The following FRMD4A variants were observed in gnomAD, a reference collection of about 807,000 sequenced individuals.
FRMD4A encodes the protein FERM domain containing 4A.
Under a neutral mutation model 129.1 loss-of-function variants are expected in FRMD4A, and 29 were observed. That is an observed-to-expected ratio of 0.22 (90% CI 0.17 to 0.31). FRMD4A has a LOEUF of 0.31. Among genes scored for constraint, FRMD4A ranks in the 10% least tolerant of loss-of-function variants. The pLI is 1.00. For synonymous variants in FRMD4A, 634 were observed against 571.6 expected (o/e 1.11, Z -1.56); for missense variants, 1,272 against 1,375.8 (o/e 0.92, Z 1.19).
At chr10:13,766,043 T>C (rs1266137136) in intron 6 of FRMD4A, among the ~76,000 whole-genome samples, 1 of 152,238 alleles carries the variant, frequency 6.6e-6, no homozygotes, top group African/African-American at 2.4e-5. Flanking sequence ...AGTGTGAACA[T>C]AGCTTTTAGT....
intron 2 of FRMD4A, among the ~76,000 whole-genome samples, chr10:13,996,980 A>G: frequency 6.8e-6 from 1 of 147,068 alleles, no homozygotes; most frequent in East Asian, 2.0e-4. Context: ...ATTGAAAAAA[A>G]TTGAGGCAAA....
rs74874266 is a variant in FRMD4A at position 14,046,624 on chromosome 10, G to T, written c.46-187712C>A. 7.5e-3 allele frequency among the ~76,000 whole-genome samples: 1,139 copies of T among 152,214 alleles called. 55 individuals carry two copies. The East Asian group carries it at 0.11, about 15-fold the overall frequency. ...CTGTTTTGCTGGTGATCTTATCCCT[G>T]GTTGCAGCCTTTCTGGTTCCTGACT... On this transcript the variant is annotated intron_variant, in intron 2 of 24. Transcript: ENST00000357447.
At chr10:13,936,291 G>A (rs909500477) in intron 2 of FRMD4A, among the ~76,000 whole-genome samples, 2 of 152,158 alleles carry the variant, frequency 1.3e-5, no homozygotes, top group Non-Finnish European at 2.9e-5. Context: ...ATCAACAGGT[G>A]CTGCAGTGCC....
intron 2 of FRMD4A, among the ~76,000 whole-genome samples, chr10:13,959,340 C>T (rs1322004642): frequency 7.2e-5 from 11 of 152,058 alleles, no homozygotes; most frequent in African/African-American, 1.4e-4. Context: ...GGCGTGGTGG[C>T]GCGTGCCTTT....
intron 2 of FRMD4A, among the ~76,000 whole-genome samples, chr10:14,179,107 T>C (rs1391375006): frequency 6.6e-6 from 1 of 152,118 alleles, no homozygotes; most frequent in Non-Finnish European, 1.5e-5. Context: ...GAGGCTCAGG[T>C]TTTCCATCTC....
intron 2 of FRMD4A, among the ~76,000 whole-genome samples, chr10:14,031,331 A>T (rs970540433): frequency 6.6e-6 from 1 of 151,750 alleles, no homozygotes; most frequent in Non-Finnish European, 1.5e-5. Context: ...GCAATGGCAC[A>T]ATCTCGGCTC....
chr10:14,306,536 C>A (rs1846358552), intron 2 of FRMD4A, among the ~76,000 whole-genome samples: 1 of 152,196 alleles, frequency 6.6e-6, no homozygotes, highest in African/African-American at 2.4e-5. Context: ...AGGTCCTGAG[C>A]AACTCTGAAT....
intron 2 of FRMD4A, among the ~76,000 whole-genome samples, chr10:14,179,006 A>G (rs1841824009): frequency 6.6e-6 from 1 of 152,160 alleles, no homozygotes; most frequent in Non-Finnish European, 1.5e-5. Flanking sequence ...TTGATGTCAA[A>G]AAAGAGAGGG....
At chr10:13,890,248 T>A (rs751340279) in intron 2 of FRMD4A, among the ~76,000 whole-genome samples, 12 of 152,188 alleles carry the variant, frequency 7.9e-5, no homozygotes, top group African/African-American at 1.2e-4. Flanking sequence ...AAATGTGTCT[T>A]CCTCTCCCTG....
intron 2 of FRMD4A, among the ~76,000 whole-genome samples, chr10:14,185,624 A>G (rs907886870): frequency 2.6e-5 from 4 of 151,130 alleles, no homozygotes; most frequent in East Asian, 1.9e-4. Flanking sequence ...GGGGATATAT[A>G]CTTCATGGTC....
chr10:14,032,007 T>C (rs1338533890), intron 2 of FRMD4A, among the ~76,000 whole-genome samples: 1 of 152,164 alleles, frequency 6.6e-6, no homozygotes, highest in East Asian at 1.9e-4. Context: ...GGGGTCTTTC[T>C]ATGTTGCCCA....
chr10:14,224,696 A>G (rs1465315766), intron 2 of FRMD4A, among the ~76,000 whole-genome samples: 9 of 152,116 alleles, frequency 5.9e-5, no homozygotes, highest in Non-Finnish European at 1.2e-4. Flanking sequence ...AAGATAAGAG[A>G]AGGAAGCTTA....
intron 15 of FRMD4A, among the ~76,000 whole-genome samples, chr10:13,676,605 GAGC>G (rs2134739250): frequency 6.6e-6 from 1 of 152,236 alleles, no homozygotes; most frequent in East Asian, 1.9e-4. Flanking sequence ...AGCCCATCGT[GAGC>G]AGAAGTGTTA....
intron 12 of FRMD4A, among the ~76,000 whole-genome samples, chr10:13,723,403 C>T (rs576671708): frequency 4.6e-5 from 7 of 152,148 alleles, no homozygotes. Flanking sequence ...AGTGTTCAAA[C>T]TCACAGAAAC....
intron 2 of FRMD4A, among the ~76,000 whole-genome samples, chr10:14,125,217 C>G (rs1838766904): frequency 6.6e-6 from 1 of 152,148 alleles, no homozygotes; most frequent in South Asian, 2.1e-4. Context: ...CAGCTTGCCT[C>G]TCTGTTCTTG....
chr10:14,237,903 C>A (rs75492479), intron 2 of FRMD4A, among the ~76,000 whole-genome samples: 2 of 152,214 alleles, frequency 1.3e-5, no homozygotes, highest in Non-Finnish European at 2.9e-5. Context: ...AGGGCACGCA[C>A]AGCCCTGTTT....
At chr10:14,128,010 T>TCC (rs1564319729) in intron 2 of FRMD4A, among the ~76,000 whole-genome samples, 4,380 of 124,824 alleles carry the variant, frequency 0.035, 430 homozygotes, top group Admixed American at 0.075. Flanking sequence ...CTTTCTTTCT[T>TCC]TCTTCCTTCC....
At chr10:14,236,159 G>C (rs1843807293) in intron 2 of FRMD4A, among the ~76,000 whole-genome samples, 1 of 152,218 alleles carries the variant, frequency 6.6e-6, no homozygotes, top group African/African-American at 2.4e-5. Context: ...GATGGCAAAA[G>C]ACATCAGAGT....
intron 3 of FRMD4A, among the ~76,000 whole-genome samples, chr10:13,835,484 A>C (rs957231030): frequency 2.0e-5 from 3 of 152,176 alleles, no homozygotes; most frequent in Non-Finnish European, 2.9e-5. Context: ...CAGGAGAGTG[A>C]GTGAAGCTTC....
Sources: gnomAD v4.1 joint callset for allele counts (sites outside exome capture counted in the v4.1 genomes callset) on GRCh38, gnomAD v4.1.1 for gene constraint, MANE v1.5 for transcripts, NCBI Gene and HGNC (gene_info 2026-07-23, HGNC 2026-07-21) for gene names.